PPM1H: variants seen among roughly 807,000 people sequenced by gnomAD.
PPM1H encodes protein phosphatase 1H.
In PPM1H, 27 loss-of-function variants were observed where a neutral mutation model predicts 54.9. The observed-to-expected ratio is 0.49, with a 90% CI of 0.36 to 0.68. PPM1H has a LOEUF of 0.68. Among genes scored for constraint, PPM1H ranks in the 30% least tolerant of loss-of-function variants. The pLI is 0.00. For missense variants in PPM1H, 596 were observed against 667.8 expected, an observed-to-expected ratio of 0.89 and a Z score of 1.19; for synonymous variants, 305 against 270.8, an observed-to-expected ratio of 1.13 and a Z score of -1.24.
rs1441288375 is a variant in PPM1H at position 62,838,346 on chromosome 12, G to A, written c.246-6067C>T. 1.4e-5 allele frequency among the ~76,000 whole-genome samples: 2 copies of A among 140,812 alleles called. 1 individual carries two copies. Among genetic ancestry groups the A allele is most frequent in the Non-Finnish European group, 3.1e-5 (2 of 64,906 alleles). 92.4% of individuals were successfully genotyped at this position (140,812 alleles called of 152,430 possible). Reference sequence around the variant, plus strand: ...TACAGTGTGTGTGTGTGTGGGGGGGGGGAGATGAATAACTTATGGAAGACC... The same window carrying A: ...TACAGTGTGTGTGTGTGTGGGGGGGAGGAGATGAATAACTTATGGAAGACC... On this transcript the variant is annotated intron_variant, in intron 1 of 9. Coordinates refer to ENST00000228705, the MANE Select transcript of PPM1H (RefSeq NM_020700.2).
intron 1 of PPM1H, among the ~76,000 whole-genome samples, chr12:62,891,184 T>C (rs1870785055): frequency 6.6e-6 from 1 of 151,356 alleles, no homozygotes. Context: ...AAGTTCTTCA[T>C]AATCTTGTTA....
chr12:62,932,586 G>T (rs946301704), intron 1 of PPM1H, among the ~76,000 whole-genome samples: 1 of 145,640 alleles, frequency 6.9e-6, no homozygotes, highest in Non-Finnish European at 1.5e-5. Flanking sequence ...TATACCACAG[G>T]GTATGCCTCC....
intron 7 of PPM1H, among the ~76,000 whole-genome samples, chr12:62,692,070 C>T (rs1020890054): frequency 1.4e-4 from 21 of 152,122 alleles, no homozygotes; most frequent in Admixed American, 6.5e-5. Context: ...TCTTTAAAAG[C>T]ATCTGAAGAA....
chr12:62,689,054 G>A (rs1035450272), intron 8 of PPM1H, among the ~76,000 whole-genome samples: 4 of 152,190 alleles, frequency 2.6e-5, no homozygotes, highest in African/African-American at 7.2e-5. Context: ...AACACTGTAC[G>A]TGGAAGGTGC....
chr12:62,761,495 A>G (rs1198625910), intron 4 of PPM1H, among the ~76,000 whole-genome samples: 1 of 152,214 alleles, frequency 6.6e-6, no homozygotes, highest in Non-Finnish European at 1.5e-5. Flanking sequence ...ACATATATCT[A>G]CAGCAAAAAC....
intron 4 of PPM1H, among the ~76,000 whole-genome samples, chr12:62,760,924 T>C (rs1329901635): frequency 2.6e-5 from 4 of 152,350 alleles, no homozygotes; most frequent in Non-Finnish European, 4.4e-5. Context: ...GGGAAAAACC[T>C]TAAGTACTTG....
At chr12:62,910,518 C>T (rs1288458812) in intron 1 of PPM1H, among the ~76,000 whole-genome samples, 2 of 151,858 alleles carry the variant, frequency 1.3e-5, no homozygotes, top group African/African-American at 4.8e-5. Context: ...ATATTTAAGT[C>T]AATTGTATAA....
At chr12:62,774,271 G>T (rs1048069960) in intron 4 of PPM1H, among the ~76,000 whole-genome samples, 9 of 152,166 alleles carry the variant, frequency 5.9e-5, no homozygotes, top group African/African-American at 2.2e-4. Context: ...TTAATCTCTG[G>T]ACTCCCAGCC....
intron 6 of PPM1H, among the ~76,000 whole-genome samples, chr12:62,713,179 C>T (rs1490297812): frequency 6.6e-6 from 1 of 152,162 alleles, no homozygotes; most frequent in African/African-American, 2.4e-5. Flanking sequence ...TGCTGTGGGG[C>T]TGTGCTTCTC....
At chr12:62,907,769 C>A (rs892415638) in intron 1 of PPM1H, among the ~76,000 whole-genome samples, 3 of 152,136 alleles carry the variant, frequency 2.0e-5, no homozygotes, top group East Asian at 1.9e-4. Context: ...GTGTGACAAG[C>A]TCTCCATACC....
intron 6 of PPM1H, among the ~76,000 whole-genome samples, chr12:62,710,616 C>T (rs1032764409): frequency 6.6e-6 from 1 of 151,820 alleles, no homozygotes; most frequent in Non-Finnish European, 1.5e-5. Context: ...TGGCAACGGG[C>T]TTCCTGGCTG....
chr12:62,742,893 G>C (rs895457639), intron 4 of PPM1H, among the ~76,000 whole-genome samples: 1 of 152,170 alleles, frequency 6.6e-6, no homozygotes, highest in Non-Finnish European at 1.5e-5. Flanking sequence ...CAATATTAAG[G>C]TTAGCCTTTC....
Position 62,832,267 on chromosome 12 carries a change from G to A in PPM1H, c.258C>T (p.Ala86=), listed in dbSNP as rs367962566. Residue 86 remains alanine (A), a synonymous_variant, in exon 2 of 10, where the codon GCC becomes GCT. Coordinates refer to ENST00000228705, the MANE Select transcript of PPM1H (RefSeq NM_020700.2). The part of the protein sequence containing the change: ...WATGYAEVIN[A]GKSTHNEDQA... ...GGTCTTCATTGTGTGTGCTCTTCCCGGCATTGATAACCCTGGAGAAGAAGC... is the reference window on the plus strand; with the variant it reads ...GGTCTTCATTGTGTGTGCTCTTCCCAGCATTGATAACCCTGGAGAAGAAGC... 8.3e-5 allele frequency: 133 copies of A among 1,611,388 alleles called. No individual in the cohort carries two copies. Among genetic ancestry groups the A allele is most frequent in the Non-Finnish European group, 1.0e-4 (123 of 1,178,794 alleles).
At chr12:62,773,881 A>T (rs1311324459) in intron 4 of PPM1H, among the ~76,000 whole-genome samples, 1 of 152,184 alleles carries the variant, frequency 6.6e-6, no homozygotes, top group Non-Finnish European at 1.5e-5. Context: ...TGGAGCTGGC[A>T]ACTGAAAATT....
intron 2 of PPM1H, among the ~76,000 whole-genome samples, chr12:62,820,714 A>G (rs2076897893): frequency 6.6e-6 from 1 of 152,204 alleles, no homozygotes; most frequent in Non-Finnish European, 1.5e-5. Context: ...ACAGAAAGGA[A>G]TAGCATCAGC....
At chr12:62,919,330 A>G (rs1255692564) in intron 1 of PPM1H, among the ~76,000 whole-genome samples, 2 of 152,124 alleles carry the variant, frequency 1.3e-5, no homozygotes, top group Non-Finnish European at 2.9e-5. Flanking sequence ...GGTGATAAAA[A>G]ATCCAAACCT....
intron 1 of PPM1H, among the ~76,000 whole-genome samples, chr12:62,837,036 T>C (rs1247501039): frequency 6.6e-6 from 1 of 152,184 alleles, no homozygotes; most frequent in East Asian, 1.9e-4. Flanking sequence ...ATCATAGCAA[T>C]AGCAGAATCT....
intron 2 of PPM1H, among the ~76,000 whole-genome samples, chr12:62,815,501 C>T (rs1214937765): frequency 2.0e-5 from 3 of 152,188 alleles, no homozygotes; most frequent in East Asian, 1.9e-4. Flanking sequence ...CGAGAATATT[C>T]TTAAACTATT....
chr12:62,805,850 C>T (rs2076802651), intron 2 of PPM1H, among the ~76,000 whole-genome samples: 1 of 152,148 alleles, frequency 6.6e-6, no homozygotes, highest in Non-Finnish European at 1.5e-5. Flanking sequence ...TAAGTGTCCT[C>T]ACCACAAACA....
Sources: gnomAD v4.1 joint callset for allele counts (sites outside exome capture counted in the v4.1 genomes callset) on GRCh38, gnomAD v4.1.1 for gene constraint, MANE v1.5 for transcripts, NCBI Gene and HGNC (gene_info 2026-07-23, HGNC 2026-07-21) for gene names.